The following TRPM1 variants were observed in gnomAD, a reference collection of about 807,000 sequenced individuals.
TRPM1 encodes the protein TRPM1-203 APA Isoform, Intron 10.
A neutral mutation model predicts 149.4 loss-of-function variants in TRPM1; 113 were observed. The ratio of observed to expected loss-of-function variants is 0.76; its 90% CI spans 0.65 to 0.88. The LOEUF (loss-of-function observed/expected upper bound fraction) is 0.88, where lower values mean the gene tolerates loss of function less well. Ranked by LOEUF, TRPM1 falls within the 40% of genes least tolerant of loss-of-function variation. The probability of loss-of-function intolerance (pLI) is 0.00; values close to 1 mark genes in which losing one functional copy is unlikely to be tolerated. For missense variants in TRPM1, 1,976 were observed against 2,038.7 expected (o/e 0.97, Z 0.59); for synonymous variants, 741 against 759.5 (o/e 0.98, Z 0.40).
chr15:31,001,862 T>G lies in TRPM1; in HGVS notation c.4838A>C (p.Lys1613Thr). The stretch of plus-strand genomic sequence containing the variant: ...TGTGGAAGCTTTCTCTTTCTTAACC[T>G]TTTTTTCTTCTGCTGTCATTCCAGA... ...IVSGMTAEEK[K>T]VKKEKASTET... Residue 1613 changes from lysine to threonine, a missense_variant, in exon 28 of 28, where the codon AAG (lysine) becomes ACG (threonine). Lys to Thr is a moderately conservative substitution (Grantham distance 78). Transcript: ENST00000256552. The G allele has an allele frequency of 2.5e-6, 4 of 1,613,234 alleles. No homozygotes were observed. The highest frequency in any genetic ancestry group is 2.5e-6 in the Non-Finnish European group (3 of 1,179,972).
intron 1 of TRPM1, among the ~76,000 whole-genome samples, chr15:31,108,154 G>A (rs2035635432): frequency 1.1e-5 from 1 of 93,120 alleles, no homozygotes; most frequent in Non-Finnish European, 2.4e-5. Context: ...CACCACGCCT[G>A]TCCAATTTTT....
chr15:31,033,062 C>G (rs559726918), intron 21 of TRPM1, 122 bp from the exon 22 acceptor site: 1 of 1,319,998 alleles, frequency 7.6e-7, no homozygotes, highest in South Asian at 1.2e-5. Context: ...CTACTCAAAA[C>G]GTTTAAACAC....
At chr15:31,093,690 C>T (rs963380011) in intron 1 of TRPM1, among the ~76,000 whole-genome samples, 28 of 152,040 alleles carry the variant, frequency 1.8e-4, no homozygotes, top group African/African-American at 6.7e-4. Flanking sequence ...CAGCCTCTGC[C>T]TCCCAGGTTC....
rs776676279 is a variant in TRPM1, at chr15:31,067,880, T to G, written c.492A>C (p.Thr164=). The G allele has an allele frequency of 5.3e-5, 85 of 1,612,590 alleles. 1 individual carries two copies. The East Asian group carries it at 1.8e-3, about 35-fold the overall frequency. Residue 164 remains threonine (T), a splice_region_variant and synonymous_variant, in exon 5 of 28, where the codon ACA becomes ACC. Transcript: ENST00000256552. The part of the protein sequence containing the change: ...GAWIFTGGVS[T]GVISHVGDAL... ...GGGAGGGAAAGGGCCTGCTCTTACCTGTGCTGACACCCCCGGTGAAGATCC... is the reference window on the plus strand; with the variant it reads ...GGGAGGGAAAGGGCCTGCTCTTACCGGTGCTGACACCCCCGGTGAAGATCC...
In TRPM1 at chr15:31,061,526, A is replaced by G; in HGVS notation, c.1090-12T>C. The G allele has an allele frequency of 6.2e-7, 1 of 1,613,930 alleles. No individual in the cohort carries two copies. The highest frequency in any genetic ancestry group is 1.1e-5 in the South Asian group (1 of 91,084). On this transcript the variant is annotated splice_polypyrimidine_tract_variant and intron_variant, in intron 9 of 27. Coordinates refer to ENST00000256552, the MANE Select transcript of TRPM1 (RefSeq NM_001252024.2). ...CTGAACACAGTGACCTGAAAATGTG[A>G]AAAGACTGAATTAAAGCCAAGTTGA... is the stretch of plus-strand genomic sequence containing the variant.
rs1567013693 is a variant in TRPM1 at position 31,042,144 on chromosome 15, AC to A, written c.1893del (p.Gln631HisfsTer7). ...CACACCATCAGCTCGTGGAAGGGATACTGGAACCGACTCACGGCAGGGTCGT... is the reference window on the plus strand; with the variant it reads ...CACACCATCAGCTCGTGGAAGGGATATGGAACCGACTCACGGCAGGGTCGT... ...DVDDPAVSRF[Q>X]YPFHELMVWA... is the part of the protein sequence containing the mutation. On this transcript the variant is annotated frameshift_variant, in exon 17 of 28. Transcript: ENST00000256552. LOFTEE classifies it high-confidence loss of function. 9.3e-6 allele frequency: 15 copies of A among 1,614,208 alleles called. No individual in the cohort carries two copies. Among genetic ancestry groups the A allele is most frequent in the Non-Finnish European group, 1.2e-5 (14 of 1,180,030 alleles).
At chr15:31,039,213 T>G (rs1167215190) in intron 18 of TRPM1, among the ~76,000 whole-genome samples, 2 of 152,148 alleles carry the variant, frequency 1.3e-5, no homozygotes, top group Non-Finnish European at 1.5e-5. Flanking sequence ...TTCAGTGTTG[T>G]TGATGAAAAG....
chr15:31,070,301 C>T (rs890557178), intron 3 of TRPM1, 75 bp from the exon 4 acceptor site: 2 of 1,450,040 alleles, frequency 1.4e-6, no homozygotes, highest in South Asian at 1.1e-5. Context: ...AATGAATTAA[C>T]CTCAACAGGT....
At chr15:31,072,010 TATATATATAGAGAGAG>T (rs1432709704) in intron 3 of TRPM1, among the ~76,000 whole-genome samples, 64 of 30,044 alleles carry the variant, frequency 2.1e-3, no homozygotes, top group East Asian at 3.4e-3. Context: ...TATATATATA[TATATATATAGAGAGAG>T]AGAGAGAGAG....
At chr15:31,062,328 C>T (rs1161523235) in intron 9 of TRPM1, among the ~76,000 whole-genome samples, 1 of 152,130 alleles carries the variant, frequency 6.6e-6, no homozygotes, top group Non-Finnish European at 1.5e-5. Context: ...TATTATGAGC[C>T]TCAGAGGGTG....
At chr15:31,145,944 C>CA (rs1037059131) in intron 1 of TRPM1, among the ~76,000 whole-genome samples, 6 of 151,664 alleles carry the variant, frequency 4.0e-5, no homozygotes, top group East Asian at 1.9e-4. Flanking sequence ...AACAAAAACG[C>CA]AAAAAACATC....
intron 27 of TRPM1, among the ~76,000 whole-genome samples, chr15:31,016,230 CAATACCCTCAA>C (rs2032350973): frequency 1.3e-5 from 2 of 152,132 alleles, no homozygotes; most frequent in South Asian, 4.1e-4. Context: ...CAAAATATGC[CAATACCCTCAA>C]ATATTTCAAA....
Position 31,002,062 on chromosome 15 carries a change from G to A in TRPM1, c.4638C>T (p.Thr1546=), listed in dbSNP as rs1008759924. ...AIPRIPRLSL[T]ITDRNGMENL... ...TTTCCATCCCATTTCTGTCAGTAAT[G>A]GTTAGGGACAAGCGAGGGATTCGAG... Residue 1546 remains threonine, a synonymous_variant, in exon 28 of 28, where the codon ACC becomes ACT. Transcript: ENST00000256552. 2.5e-6 allele frequency: 4 copies of A among 1,614,096 alleles called. No individual in the cohort carries two copies. In the African/African-American group the frequency reaches 5.3e-5, roughly 22 times the overall value.
intron 27 of TRPM1, among the ~76,000 whole-genome samples, chr15:31,005,700 T>C (rs1451783864): frequency 7.9e-5 from 12 of 152,212 alleles, no homozygotes; most frequent in Admixed American, 7.9e-4. Flanking sequence ...AGTTTTATAG[T>C]ACGTATGAAA....
chr15:31,002,031 G>C lies in TRPM1; in HGVS notation c.4669C>G (p.Leu1557Val), dbSNP rs751042297. Residue 1557 changes from leucine to valine, a missense_variant, in exon 28 of 28, where the codon CTG (leucine) becomes GTG (valine). By Grantham distance (32) the Leu-to-Val change is conservative. Coordinates refer to ENST00000256552, the MANE Select transcript of TRPM1 (RefSeq NM_001252024.2). ...ITDRNGMENL[L>V]SVKPDQTLGF... ...AAAGTTTGATCTGGCTTCACAGACA[G>C]TAAGTTTTCCATCCCATTTCTGTCA... 6.2e-7 allele frequency: 1 copy of C among 1,614,216 alleles called. No homozygotes were observed. The highest frequency in any genetic ancestry group is 8.5e-7 in the Non-Finnish European group (1 of 1,180,028).
At chr15:31,037,605 A>G in intron 20 of TRPM1, 106 bp downstream of exon 20, 2 of 1,472,754 alleles carry the variant, frequency 1.4e-6, no homozygotes, top group Non-Finnish European at 1.9e-6. Flanking sequence ...ATTTTAATTC[A>G]GTGAATTTTT....
intron 10 of TRPM1, 104 bp from the exon 11 acceptor site, chr15:31,060,748 T>C (rs1471528916): frequency 3.4e-6 from 3 of 885,828 alleles, no homozygotes; most frequent in Non-Finnish European, 5.5e-6. Context: ...GCTGCTGGCC[T>C]AGAACTAAGC....
intron 18 of TRPM1, among the ~76,000 whole-genome samples, chr15:31,038,979 A>T (rs2140925665): frequency 6.6e-6 from 1 of 151,884 alleles, no homozygotes; most frequent in African/African-American, 2.4e-5. Context: ...ATAGATAGAA[A>T]ACATGCTTCC....
intron 23 of TRPM1, among the ~76,000 whole-genome samples, chr15:31,029,733 C>T (rs774998671): frequency 2.6e-5 from 4 of 152,186 alleles, no homozygotes; most frequent in Admixed American, 1.3e-4. Flanking sequence ...ACCAATCACG[C>T]GCTCCCTATA....
Sources: gnomAD v4.1 joint callset for allele counts (sites outside exome capture counted in the v4.1 genomes callset) on GRCh38, gnomAD v4.1.1 for gene constraint, MANE v1.5 for transcripts, NCBI Gene and HGNC (gene_info 2026-07-23, HGNC 2026-07-21) for gene names.